The following ZNF821 variants were observed in gnomAD, a reference collection of about 807,000 sequenced individuals.
ZNF821 encodes the protein zinc finger protein 821.
A neutral mutation model predicts 44.3 loss-of-function variants in ZNF821; 16 were observed. The observed-to-expected ratio is 0.36, with a 90% confidence interval of 0.24 to 0.55. The LOEUF (loss-of-function observed/expected upper bound fraction) is 0.55, where lower values mean the gene tolerates loss of function less well. Ranked by LOEUF, ZNF821 falls within the 20% of genes least tolerant of loss-of-function variation. The pLI is 0.86. For missense variants in ZNF821, 436 were observed against 547.6 expected (o/e 0.80, Z 2.03); for synonymous variants, 204 against 197.6 (o/e 1.03, Z -0.27).
intron 3 of ZNF821, among the ~76,000 whole-genome samples, chr16:71,875,190 T>C (rs1324897401): frequency 6.6e-6 from 1 of 152,186 alleles, no homozygotes; most frequent in Non-Finnish European, 1.5e-5. Flanking sequence ...CTCAAAACAA[T>C]GTTCTTTCGC....
At chr16:71,868,215 G>A (rs995233196) in intron 3 of ZNF821, among the ~76,000 whole-genome samples, 178 bp from the exon 4 acceptor site, 2 of 152,166 alleles carry the variant, frequency 1.3e-5, no homozygotes, top group East Asian at 3.8e-4. Context: ...TGCTCTTCCT[G>A]GGCAGTAAGC....
At chr16:71,873,321 C>CAA (rs71153677) in intron 3 of ZNF821, among the ~76,000 whole-genome samples, 11 of 132,770 alleles carry the variant, frequency 8.3e-5, no homozygotes, top group East Asian at 2.2e-4. Flanking sequence ...GATGCTGTCT[C>CAA]AAAAAAAAAA....
At chr16:71,885,910 A>T (rs1016259866), upstream of ZNF821, among the ~76,000 whole-genome samples, 2 of 152,234 alleles carry the variant, frequency 1.3e-5, no homozygotes, top group African/African-American at 4.8e-5. Context: ...GTAAGAATAC[A>T]ACCTAGAATA....
chr16:71,864,937 T>C lies in ZNF821; in HGVS notation c.278A>G (p.Gln93Arg), dbSNP rs1286891560. The change falls in exon 5 of 8, where the codon CAG (glutamine) becomes CGG (arginine). Residue 93 changes from glutamine (Q) to arginine (R), a missense_variant. Coordinates refer to ENST00000425432, the MANE Select transcript of ZNF821 (RefSeq NM_001201552.2). Reference sequence around the variant, plus strand: ...TACCACTTCGTTCCCACCAACAGGCTGTTCTGTATTTTCTAACTCTTTCTC... The same window carrying C: ...TACCACTTCGTTCCCACCAACAGGCCGTTCTGTATTTTCTAACTCTTTCTC... The part of the protein sequence containing the change: ...KVEKELENTE[Q>R]PVGGNEVVEH... The C allele has an allele frequency of 6.2e-7, 1 of 1,614,162 alleles. No homozygotes were observed. Among genetic ancestry groups the C allele is most frequent in the East Asian group, 2.2e-5 (1 of 44,880 alleles).
At chr16:71,889,480 C>G (rs1364817603), upstream of ZNF821, among the ~76,000 whole-genome samples, 3 of 152,028 alleles carry the variant, frequency 2.0e-5, no homozygotes, top group Non-Finnish European at 4.4e-5. Flanking sequence ...CAAGACCAGC[C>G]TGGCCAACAT....
intron 3 of ZNF821, among the ~76,000 whole-genome samples, chr16:71,871,005 A>C (rs1466065736): frequency 6.6e-6 from 1 of 152,216 alleles, no homozygotes; most frequent in African/African-American, 2.4e-5. Context: ...TCTTGGATTC[A>C]CCATTGGATT....
At chr16:71,893,191 AT>A (rs962615242) in intron 1 of ZNF821, among the ~76,000 whole-genome samples, 1 of 149,550 alleles carries the variant, frequency 6.7e-6, no homozygotes, top group Non-Finnish European at 1.5e-5. Flanking sequence ...CCCCCAGCTA[AT>A]TTTTTTTTGT....
chr16:71,892,253 T>A (rs2036890774), intron 1 of ZNF821, among the ~76,000 whole-genome samples: 1 of 134,068 alleles, frequency 7.5e-6, no homozygotes, highest in Non-Finnish European at 1.6e-5. Context: ...TGGGGCTCAA[T>A]GATACTTTTA....
intron 1 of ZNF821, chr16:71,883,514 T>C (rs892490451): frequency 2.2e-4 from 50 of 230,538 alleles, no homozygotes; most frequent in Non-Finnish European, 4.1e-4. Context: ...ATTTAGAAGC[T>C]TTTCTGCGAG....
intron 6 of ZNF821, among the ~76,000 whole-genome samples, chr16:71,863,175 C>T (rs1012820947): frequency 6.6e-6 from 1 of 152,094 alleles, no homozygotes; most frequent in African/African-American, 2.4e-5. Flanking sequence ...GGATTACAGG[C>T]GTGAGCCACT....
chr16:71,864,642 T>C, intron 5 of ZNF821: 1 of 470,034 alleles, frequency 2.1e-6, no homozygotes, highest in Non-Finnish European at 3.8e-6. Context: ...ACAAAGTTTC[T>C]CTCATGTCTG....
chr16:71,873,847 C>T (rs1310087206), intron 3 of ZNF821, among the ~76,000 whole-genome samples: 1 of 151,726 alleles, frequency 6.6e-6, no homozygotes, highest in Non-Finnish European at 1.5e-5. Flanking sequence ...GAAATCAGGT[C>T]CCACTATGTT....
At chr16:71,874,433 G>A (rs2035581540) in intron 3 of ZNF821, among the ~76,000 whole-genome samples, 1 of 152,106 alleles carries the variant, frequency 6.6e-6, no homozygotes, top group Non-Finnish European at 1.5e-5. Flanking sequence ...CAGACCTTGA[G>A]TCCATTTCAT....
chr16:71,861,679 T>G, intron 7 of ZNF821, 97 bp downstream of exon 7: 1 of 1,477,036 alleles, frequency 6.8e-7, no homozygotes, highest in Non-Finnish European at 9.3e-7. Flanking sequence ...CAGCTGCCTT[T>G]GCATTACCTA....
At chr16:71,880,832 G>A (rs1034866987) in intron 2 of ZNF821, among the ~76,000 whole-genome samples, 3 of 152,154 alleles carry the variant, frequency 2.0e-5, no homozygotes, top group African/African-American at 7.2e-5. Flanking sequence ...AGAACAGTGG[G>A]AGGAATAAAG....
chr16:71,865,020 C>T lies in ZNF821; in HGVS notation c.195G>A (p.Thr65=), dbSNP rs146289489. The T allele has an allele frequency of 8.1e-5, 130 of 1,614,160 alleles. No individual in the cohort carries two copies. The Middle Eastern group carries it at 1.2e-3, about 14-fold the overall frequency. The change falls in exon 5 of 8, where the codon ACG becomes ACA. Residue 65 remains threonine (T), a synonymous_variant. Coordinates refer to ENST00000425432, the MANE Select transcript of ZNF821 (RefSeq NM_001201552.2). ...TGTGGGAAGAGACTTCATCTTGTGTCGTCTCCTCTTCATCACCCTCACTGT... is the reference window on the plus strand; with the variant it reads ...TGTGGGAAGAGACTTCATCTTGTGTTGTCTCCTCTTCATCACCCTCACTGT... ...SSDSEGDEEE[T]TQDEVSSHTS...
intron 1 of ZNF821, chr16:71,894,735 T>A: frequency 1.7e-6 from 1 of 601,904 alleles, no homozygotes; most frequent in South Asian, 2.1e-5. Flanking sequence ...GCGGTTTCAC[T>A]ATGGTGTCCA....
At chr16:71,892,182 A>C (rs1474263916) in intron 1 of ZNF821, among the ~76,000 whole-genome samples, 4 of 94,656 alleles carry the variant, frequency 4.2e-5, no homozygotes, top group Non-Finnish European at 6.6e-5. Flanking sequence ...CCGTCTCAAA[A>C]AAAAAAAAAA....
chr16:71,882,853 G>C (rs899301708), intron 2 of ZNF821, among the ~76,000 whole-genome samples: 3 of 152,084 alleles, frequency 2.0e-5, no homozygotes. Flanking sequence ...AAAACCCAGA[G>C]ACATACAGCC....
Sources: allele counts gnomAD v4.1 joint callset (sites outside exome capture counted in the v4.1 genomes callset), GRCh38; gene constraint gnomAD v4.1.1; transcripts MANE v1.5; gene names NCBI Gene and HGNC (gene_info 2026-07-23, HGNC 2026-07-21).